CRB1: variants seen among roughly 807,000 people sequenced by gnomAD.
CRB1 encodes the protein protein crumbs homolog 1.
Under a neutral mutation model 120.0 loss-of-function variants are expected in CRB1, and 83 were observed. The ratio of observed to expected loss-of-function variants is 0.69; its 90% CI spans 0.58 to 0.83. The LOEUF (loss-of-function observed/expected upper bound fraction) is 0.83. Among genes scored for constraint, CRB1 ranks in the 40% least tolerant of loss-of-function variants. The pLI is 0.00. For synonymous variants in CRB1, 625 were observed against 612.5 expected (o/e 1.02, Z -0.30); for missense variants, 1,699 against 1,687.6 (o/e 1.01, Z -0.12).
chr1:197,299,404 C>T (rs1236174277), intron 1 of CRB1, among the ~76,000 whole-genome samples: 1 of 152,052 alleles, frequency 6.6e-6, no homozygotes, highest in Non-Finnish European at 1.5e-5. Context: ...AGAACTAATG[C>T]ATGTATCCAT....
At chr1:197,310,329 C>T (rs1007115268) in intron 1 of CRB1, among the ~76,000 whole-genome samples, 3 of 152,152 alleles carry the variant, frequency 2.0e-5, no homozygotes, top group East Asian at 1.9e-4. Flanking sequence ...CCTAGGAACA[C>T]ATCGTCTTTT....
upstream of CRB1, among the ~76,000 whole-genome samples, chr1:197,267,945 T>G (rs1003290088): frequency 4.6e-5 from 7 of 152,232 alleles, no homozygotes; most frequent in Non-Finnish European, 7.3e-5. Flanking sequence ...ATTACTTGTC[T>G]GTGAATTATT....
At chr1:197,257,255 T>G in the CRB1 span, among the ~76,000 whole-genome samples, 1 of 152,154 alleles carries the variant, frequency 6.6e-6, no homozygotes, top group East Asian at 1.9e-4. Flanking sequence ...TCCACCTTTT[T>G]GTTCTGTTTG....
chr1:197,374,758 G>T (rs1661555982), intron 5 of CRB1, among the ~76,000 whole-genome samples: 1 of 151,342 alleles, frequency 6.6e-6, no homozygotes, highest in African/African-American at 2.4e-5. Flanking sequence ...GTTCTATATT[G>T]AATTGAAATG....
intron 11 of CRB1, among the ~76,000 whole-genome samples, chr1:197,452,876 T>A (rs562742336): frequency 6.6e-6 from 1 of 152,312 alleles, no homozygotes; most frequent in South Asian, 2.1e-4. Flanking sequence ...TGATTCATGA[T>A]TCTGAGTATA....
chr1:197,353,920 T>C (rs1660263473), intron 4 of CRB1, among the ~76,000 whole-genome samples: 3 of 149,806 alleles, frequency 2.0e-5, no homozygotes, highest in Admixed American at 6.6e-5. Flanking sequence ...TCCTACTAAA[T>C]TTACATTTTG....
At chr1:197,274,611 G>A (rs1655100865) in intron 1 of CRB1, among the ~76,000 whole-genome samples, 1 of 152,036 alleles carries the variant, frequency 6.6e-6, no homozygotes, top group Admixed American at 6.6e-5. Context: ...TTGATTCTCT[G>A]GAAGCCACTG....
At chr1:197,280,444 T>C (rs746625073) in intron 1 of CRB1, among the ~76,000 whole-genome samples, 10 of 151,860 alleles carry the variant, frequency 6.6e-5, no homozygotes, top group Admixed American at 1.3e-4. Flanking sequence ...GTGCTACAAG[T>C]ATAATTTTAA....
chr1:197,268,288 G>A lies in CRB1; in HGVS notation c.-125G>A. The A allele has an allele frequency of 3.9e-6, 3 of 767,922 alleles. No individual in the cohort carries two copies. The highest frequency in any genetic ancestry group is 7.2e-6 in the Non-Finnish European group (3 of 413,982). 47.6% of individuals were successfully genotyped at this position (767,922 alleles called of 1,614,324 possible). On this transcript the variant is annotated 5_prime_UTR_variant, in exon 1 of 12. In the 5' UTR this introduces an upstream ATG that the reference lacks. Coordinates refer to ENST00000367400, the MANE Select transcript of CRB1 (RefSeq NM_201253.3). The stretch of plus-strand genomic sequence containing the variant: ...TTTCTGTGAAGGAGCTGTAAGTAGG[G>A]TGGGACAGAGATGGCACCTGGGGGT...
intron 11 of CRB1, chr1:197,443,293 T>C (rs1394662059): frequency 1.3e-5 from 2 of 152,022 alleles, no homozygotes; most frequent in Non-Finnish European, 2.9e-5. Context: ...AGAAAAACAA[T>C]TATCTAGTAT....
chr1:197,359,109 C>A (rs1460847859), intron 5 of CRB1, among the ~76,000 whole-genome samples: 3 of 152,052 alleles, frequency 2.0e-5, no homozygotes, highest in Non-Finnish European at 4.4e-5. Flanking sequence ...TATGCTTTAC[C>A]TAATTTTCCC....
chr1:197,320,589 G>A (rs75526011), intron 1 of CRB1, among the ~76,000 whole-genome samples: 3,493 of 152,188 alleles, frequency 0.023, 74 homozygotes, highest in Middle Eastern at 0.034. Context: ...GTGGTAGGCA[G>A]GAAATAATTT....
chr1:197,435,307 T>C lies in CRB1; in HGVS notation c.3444T>C (p.Cys1148=). The change falls in exon 9 of 12, where the codon TGT becomes TGC. Residue 1148 remains cysteine (C), a synonymous_variant. Transcript: ENST00000367400. ...TAAATGTCTGCAACTCCAACCCCTG[T>C]TTGCATGGAGGAAACTGTGAAGACA... ...LQLNVCNSNP[C]LHGGNCEDIY... 6.2e-7 allele frequency: 1 copy of C among 1,613,788 alleles called. No individual in the cohort carries two copies. Among genetic ancestry groups the C allele is most frequent in the Non-Finnish European group, 8.5e-7 (1 of 1,179,834 alleles).
chr1:197,349,956 C>T (rs1433547689), intron 4 of CRB1, among the ~76,000 whole-genome samples: 4 of 151,384 alleles, frequency 2.6e-5, no homozygotes, highest in Non-Finnish European at 4.4e-5. Flanking sequence ...AAAAATTAGC[C>T]GGGCGCGGTG....
At chr1:197,281,935 G>C (rs544580578) in intron 1 of CRB1, among the ~76,000 whole-genome samples, 2 of 151,682 alleles carry the variant, frequency 1.3e-5, no homozygotes, top group South Asian at 4.2e-4. Flanking sequence ...GTTCAAAGGG[G>C]AGACCCAGTT....
At chr1:197,311,742 TGTGTTGAG>T (rs1657539062) in intron 1 of CRB1, among the ~76,000 whole-genome samples, 3 of 141,098 alleles carry the variant, frequency 2.1e-5, no homozygotes, top group Non-Finnish European at 4.6e-5. Flanking sequence ...TGTGTGTGTG[TGTGTTGAG>T]AAGATTTAAG....
chr1:197,391,759 C>T (rs1662517395), intron 5 of CRB1, among the ~76,000 whole-genome samples: 1 of 151,826 alleles, frequency 6.6e-6, no homozygotes, highest in Admixed American at 6.6e-5. Context: ...GAAAGGCTTT[C>T]AAAGAGCTGA....
At chr1:197,215,935 A>G in the CRB1 span, among the ~76,000 whole-genome samples, 3 of 152,362 alleles carry the variant, frequency 2.0e-5, no homozygotes, top group Admixed American at 6.5e-5. Flanking sequence ...TGGAACATAT[A>G]TCTGCATTTT....
intron 5 of CRB1, 136 bp from the exon 6 acceptor site, chr1:197,420,863 TG>T: frequency 1.5e-6 from 1 of 679,582 alleles, no homozygotes; most frequent in Non-Finnish European, 2.6e-6. Flanking sequence ...CCTTATTAAG[TG>T]TTTACATTTT....
Sources: gnomAD v4.1 joint callset for allele counts (sites outside exome capture counted in the v4.1 genomes callset) on GRCh38, gnomAD v4.1.1 for gene constraint, MANE v1.5 for transcripts, NCBI Gene and HGNC (gene_info 2026-07-23, HGNC 2026-07-21) for gene names.